RNASEH2A: variants seen among roughly 807,000 people sequenced by gnomAD.
RNASEH2A encodes the protein RNase H(35).
In RNASEH2A, 30 loss-of-function variants were observed where a neutral mutation model predicts 32.7. The ratio of observed to expected loss-of-function variants is 0.92; its 90% confidence interval spans 0.69 to 1.25. RNASEH2A has a LOEUF of 1.25. Ranked by LOEUF, RNASEH2A falls within the 50% of genes most tolerant of loss-of-function variation. The pLI is 0.00. For missense variants in RNASEH2A, 409 were observed against 398.1 expected, an observed-to-expected ratio of 1.03 and a Z score of -0.23; for synonymous variants, 147 against 165.4, an observed-to-expected ratio of 0.89 and a Z score of 0.86.
At chr19:12,807,396 C>G (rs781639221) in intron 3 of RNASEH2A, 23 bp from the exon 4 acceptor site, 3 of 1,614,138 alleles carry the variant, frequency 1.9e-6, no homozygotes, top group Non-Finnish European at 2.5e-6. Flanking sequence ...ATGAGATTAA[C>G]TGGGCTCTGT....
chr19:12,807,529 C>T lies in RNASEH2A; in HGVS notation c.411+23C>T, dbSNP rs1211817054. 6 of 1,595,166 alleles carry T rather than the reference C, an allele frequency of 3.8e-6. No homozygotes were observed. In the South Asian group the frequency reaches 6.6e-5, roughly 18 times the overall value. On this transcript the variant is annotated intron_variant, in intron 4 of 7. Coordinates refer to ENST00000221486, the MANE Select transcript of RNASEH2A (RefSeq NM_006397.3). The stretch of plus-strand genomic sequence containing the variant: ...CAGGTGAGTTAACTGTAAGTTGTCC[C>T]CATTTGGTCATCTCAGGATAAAATG...
chr19:12,812,676 AG>A (rs1969090753), intron 6 of RNASEH2A, among the ~76,000 whole-genome samples: 1 of 152,232 alleles, frequency 6.6e-6, no homozygotes, highest in South Asian at 2.1e-4. Context: ...TTCAGACCAT[AG>A]GAGGTGCCCC....
chr19:12,812,403 GTGGC>G (rs1969086179), intron 6 of RNASEH2A, among the ~76,000 whole-genome samples: 1 of 151,806 alleles, frequency 6.6e-6, no homozygotes, highest in Non-Finnish European at 1.5e-5. Flanking sequence ...ATGGTGGTGG[GTGGC>G]TGTAGTCCCA....
In RNASEH2A at chr19:12,806,739, G is replaced by C. The variant is rs1329903463; in HGVS notation, c.66G>C (p.Ala22=). 2 of 1,570,526 alleles carry C rather than the reference G, an allele frequency of 1.3e-6. No homozygotes were observed. The highest frequency in any genetic ancestry group is 1.7e-6 in the Non-Finnish European group (2 of 1,157,786). Residue 22 remains alanine (A), a synonymous_variant, in exon 1 of 8, where the codon GCG becomes GCC. Transcript: ENST00000221486. The stretch of plus-strand genomic sequence containing the variant: ...GTCGCCTGAGTTCGCCTGTGCCCGC[G>C]GTGTGCCGCAAGGAGCCTTGCGTCC... The part of the protein sequence containing the change: ...GRCRLSSPVP[A]VCRKEPCVLG...
chr19:12,807,065 C>A lies in RNASEH2A; in HGVS notation c.185C>A (p.Ala62Glu), dbSNP rs774643108. Residue 62 changes from alanine (A) to glutamate (E), a missense_variant, in exon 2 of 8, where the codon GCG becomes GAG. Physicochemically the swap from Ala to Glu is moderately radical, Grantham distance 107. Coordinates refer to ENST00000221486, the MANE Select transcript of RNASEH2A (RefSeq NM_006397.3). ...CPLPRLADLE[A>E]LKVADSKTLL... ...CTGCCTCGCCTGGCAGATCTGGAGG[C>A]GCTGAAAGTGGCAGGTGAGCCCGAG... 2.5e-6 allele frequency: 4 copies of A among 1,614,018 alleles called. No homozygotes were observed. In the Admixed American group the frequency reaches 6.7e-5, roughly 27 times the overall value.
At chr19:12,807,854 C>T (rs1446702287) in intron 4 of RNASEH2A, 4 of 352,536 alleles carry the variant, frequency 1.1e-5, no homozygotes, top group African/African-American at 4.3e-5. Context: ...ATCGCTTGAA[C>T]CCAGGAGGCA....
In RNASEH2A at chr19:12,810,553, G is replaced by A. The variant is rs149182137; in HGVS notation, c.637+149G>A. 547 of 836,186 alleles carry A rather than the reference G, an allele frequency of 6.5e-4. 1 individual carries two copies. The African/African-American group carries it at 7.8e-3, about 12-fold the overall frequency. The allele number at this position is 836,186 out of a possible 1,614,324, so 51.8% of individuals were successfully genotyped here. On this transcript the variant is annotated intron_variant, in intron 6 of 7. Transcript: ENST00000221486. ...GTTATTTTTGTTTATTTTTTGAGAC[G>A]GAGTTTCGCTCTTTTTGCCCAGGCT...
chr19:12,811,373 G>A (rs943496266), intron 6 of RNASEH2A, among the ~76,000 whole-genome samples: 6 of 152,096 alleles, frequency 3.9e-5, no homozygotes, highest in Non-Finnish European at 7.4e-5. Flanking sequence ...ACTTTGGGAA[G>A]CTGAGGTAGG....
chr19:12,809,212 A>C (rs902048174), intron 4 of RNASEH2A, among the ~76,000 whole-genome samples: 1 of 152,160 alleles, frequency 6.6e-6, no homozygotes, highest in Non-Finnish European at 1.5e-5. Context: ...ATCTCTACTA[A>C]AAATAAAAAA....
intron 4 of RNASEH2A, chr19:12,807,939 T>TA: frequency 4.9e-6 from 1 of 203,458 alleles, no homozygotes. Context: ...CTCAAAAAAA[T>TA]AAAAAATAAA....
chr19:12,809,983 G>C (rs1969049300), intron 4 of RNASEH2A, 88 bp from the exon 5 acceptor site: 2 of 1,535,268 alleles, frequency 1.3e-6, no homozygotes, highest in African/African-American at 1.4e-5. Flanking sequence ...AGAGGATTCT[G>C]GGTAGCAGGA....
At chr19:12,812,138 G>GCA in intron 6 of RNASEH2A, among the ~76,000 whole-genome samples, 1 of 152,112 alleles carries the variant, frequency 6.6e-6, no homozygotes, top group South Asian at 2.1e-4. Flanking sequence ...GGAGGCTGAG[G>GCA]TGAGAGGATG....
rs778278707 is a variant in RNASEH2A at position 12,810,424 on chromosome 19, T to C, written c.637+20T>C. On this transcript the variant is annotated intron_variant, in intron 6 of 7. Transcript: ENST00000221486. ...CCAATGGTGAGCAGACACGTGACCA[T>C]GGTACTAATGTTGAAATGGCCAGGG... is the stretch of plus-strand genomic sequence containing the variant. 5.0e-6 allele frequency: 8 copies of C among 1,603,918 alleles called. No individual in the cohort carries two copies. Among genetic ancestry groups the C allele is most frequent in the South Asian group, 4.4e-5 (4 of 90,898 alleles).
At position 12,806,715 on chromosome 19, in the gene RNASEH2A, T is replaced by G. The variant is rs1438464682; in HGVS notation, c.42T>G (p.Cys14Trp). The change falls in exon 1 of 8, where the codon TGT (cysteine) becomes TGG (tryptophan). Residue 14 changes from cysteine (C) to tryptophan (W), a missense_variant. Transcript: ENST00000221486. ...SELERDNTGR[C>W]RLSSPVPAVC... ...TGGAGAGAGACAATACAGGCCGCTG[T>G]CGCCTGAGTTCGCCTGTGCCCGCGG... 6 of 1,567,140 alleles carry G rather than the reference T, an allele frequency of 3.8e-6. No homozygotes were observed. The highest frequency in any genetic ancestry group is 5.2e-6 in the Non-Finnish European group (6 of 1,155,854).
intron 4 of RNASEH2A, chr19:12,807,868 GT>G (rs1969018943): frequency 2.9e-6 from 1 of 343,448 alleles, no homozygotes; most frequent in South Asian, 2.4e-5. Flanking sequence ...GGAGGCAGAA[GT>G]TGCAGTGAGC....
chr19:12,813,514 AT>A lies in RNASEH2A; in HGVS notation c.*50del, dbSNP rs749659551. The A allele has an allele frequency of 5.0e-6, 8 of 1,607,438 alleles. No individual in the cohort carries two copies. In the South Asian group the frequency reaches 7.7e-5, roughly 15 times the overall value. On this transcript the variant is annotated 3_prime_UTR_variant, in exon 8 of 8. Transcript: ENST00000221486. ...CTGCTTCCCCAACCCAGACATTAAA[AT>A]TGTTTAAGGAGAACCACACGTAGGG...
In RNASEH2A at chr19:12,813,487, A is replaced by C. The variant is rs1599537655; in HGVS notation, c.*21A>C. 6.2e-7 allele frequency: 1 copy of C among 1,611,498 alleles called. No homozygotes were observed. The highest frequency in any genetic ancestry group is 8.5e-7 in the Non-Finnish European group (1 of 1,179,972). On this transcript the variant is annotated 3_prime_UTR_variant, in exon 8 of 8. Transcript: ENST00000221486. ...TCTAGCAGCTGCCTCTACGCGCTCT[A>C]CCTGCTTCCCCAACCCAGACATTAA...
intron 4 of RNASEH2A, among the ~76,000 whole-genome samples, chr19:12,809,053 C>T (rs11879599): frequency 2.2e-4 from 33 of 151,638 alleles, no homozygotes; most frequent in African/African-American, 7.8e-4. Flanking sequence ...TACCCGTAGG[C>T]GTTCAGGGCC....
intron 6 of RNASEH2A, among the ~76,000 whole-genome samples, chr19:12,811,730 C>T (rs767053018): frequency 2.0e-5 from 3 of 151,722 alleles, no homozygotes; most frequent in Non-Finnish European, 4.4e-5. Flanking sequence ...CCAGCCTGAC[C>T]AACGTGGTGA....
Sources: gnomAD v4.1 joint callset for allele counts (sites outside exome capture counted in the v4.1 genomes callset) on GRCh38, gnomAD v4.1.1 for gene constraint, MANE v1.5 for transcripts, NCBI Gene and HGNC (gene_info 2026-07-23, HGNC 2026-07-21) for gene names.